ADAMTSL1: variants seen among roughly 807,000 people sequenced by gnomAD.
ADAMTSL1 encodes the protein ADAMTS like 1, also known as ADAMTS-like protein 1.
A neutral mutation model predicts 201.8 loss-of-function variants in ADAMTSL1; 126 were observed. That is an observed-to-expected ratio of 0.62 (90% CI 0.54 to 0.72). ADAMTSL1 has a LOEUF of 0.72. Ranked by LOEUF, ADAMTSL1 falls within the 30% of genes least tolerant of loss-of-function variation. The pLI is 0.00. For missense variants in ADAMTSL1, 2,679 were observed against 2,277.8 expected (o/e 1.18, Z -3.59); for synonymous variants, 1,121 against 903.4 (o/e 1.24, Z -4.32).
chr9:17,922,656 T>C (rs934712228), intron 1 of ADAMTSL1, among the ~76,000 whole-genome samples: 1 of 152,158 alleles, frequency 6.6e-6, no homozygotes, highest in Middle Eastern at 3.2e-3. Context: ...TCTTAGAAAG[T>C]TGAGTTGACT....
At chr9:18,275,085 A>C (rs1832535236) in intron 2 of ADAMTSL1, among the ~76,000 whole-genome samples, 2 of 152,150 alleles carry the variant, frequency 1.3e-5, no homozygotes, top group South Asian at 4.1e-4. Flanking sequence ...TCTTTTGTCC[A>C]TCTGGGCAAA....
chr9:18,265,600 A>G (rs1832090806), intron 2 of ADAMTSL1, among the ~76,000 whole-genome samples: 1 of 152,250 alleles, frequency 6.6e-6, no homozygotes, highest in African/African-American at 2.4e-5. Context: ...TACCCTGAGC[A>G]CAAAATGTTC....
rs982893194 is a variant in ADAMTSL1, at chr9:18,023,577, G to A, written c.87+116655G>A. ...CATTAACACTGAAACTTACATTCCC[G>A]TGGATGGAGCAGAGTAGCTGCTGGC... On this transcript the variant is annotated intron_variant, in intron 1 of 29. Coordinates refer to the ADAMTSL1 transcript ENST00000680146. 4.6e-5 allele frequency among the ~76,000 whole-genome samples: 7 copies of A among 152,092 alleles called. 1 individual carries two copies. The highest frequency in any genetic ancestry group is 1.3e-4 in the Admixed American group (2 of 15,248).
chr9:18,535,936 G>T (rs929974968), intron 3 of ADAMTSL1, among the ~76,000 whole-genome samples: 1 of 152,092 alleles, frequency 6.6e-6, no homozygotes, highest in Admixed American at 6.5e-5. Context: ...TGAGATTTGG[G>T]TGGGGACACA....
chr9:18,832,689 A>G (rs576952332), intron 23 of ADAMTSL1, among the ~76,000 whole-genome samples: 1 of 152,328 alleles, frequency 6.6e-6, no homozygotes, highest in East Asian at 1.9e-4. Context: ...CAGCTCAGGC[A>G]CTGCCTTGGA....
intron 2 of ADAMTSL1, among the ~76,000 whole-genome samples, chr9:18,168,978 T>C (rs1417023435): frequency 1.3e-5 from 2 of 149,450 alleles, no homozygotes; most frequent in African/African-American, 2.5e-5. Flanking sequence ...GGGTTGTTTG[T>C]TTTTTCTTGT....
At chr9:18,584,220 G>T (rs141060514) in intron 4 of ADAMTSL1, among the ~76,000 whole-genome samples, 27 of 152,280 alleles carry the variant, frequency 1.8e-4, no homozygotes, top group African/African-American at 6.0e-4. Flanking sequence ...AATTATGGGT[G>T]CAGGTCTTTC....
At chr9:18,277,561 A>C (rs984820470) in intron 2 of ADAMTSL1, among the ~76,000 whole-genome samples, 4 of 152,088 alleles carry the variant, frequency 2.6e-5, no homozygotes, top group African/African-American at 9.7e-5. Flanking sequence ...TTTTAACTTA[A>C]AGCCTATTTT....
chr9:17,915,395 G>A (rs912369114), intron 1 of ADAMTSL1, among the ~76,000 whole-genome samples: 9 of 152,040 alleles, frequency 5.9e-5, no homozygotes, highest in South Asian at 4.1e-4. Context: ...TCAATATCTC[G>A]CTGCTTTTAT....
chr9:18,626,096 G>T (rs1215961228), intron 5 of ADAMTSL1, among the ~76,000 whole-genome samples: 1 of 152,100 alleles, frequency 6.6e-6, no homozygotes, highest in Non-Finnish European at 1.5e-5. Flanking sequence ...CCTGCCCCTG[G>T]CTGCTTTGGG....
chr9:18,318,731 T>C (rs909291423), intron 2 of ADAMTSL1, among the ~76,000 whole-genome samples: 1 of 152,146 alleles, frequency 6.6e-6, no homozygotes, highest in South Asian at 2.1e-4. Context: ...AATTTTTTTT[T>C]TTTCAAATAT....
At chr9:17,951,653 G>A (rs1228271109) in intron 1 of ADAMTSL1, among the ~76,000 whole-genome samples, 1 of 145,024 alleles carries the variant, frequency 6.9e-6, no homozygotes, top group African/African-American at 2.6e-5. Context: ...TTGGGCTGTT[G>A]TCTCTTATTG....
At chr9:18,492,086 G>A (rs989093653) in intron 1 of ADAMTSL1, among the ~76,000 whole-genome samples, 2 of 152,106 alleles carry the variant, frequency 1.3e-5, no homozygotes, top group South Asian at 4.1e-4. Flanking sequence ...ATTGATAAAG[G>A]ACTTAATATG....
intron 2 of ADAMTSL1, among the ~76,000 whole-genome samples, chr9:18,197,160 G>A (rs552821052): frequency 6.6e-6 from 1 of 152,256 alleles, no homozygotes; most frequent in African/African-American, 2.4e-5. Flanking sequence ...AGTGAAGGAA[G>A]AAAATGCCTT....
intron 1 of ADAMTSL1, among the ~76,000 whole-genome samples, chr9:17,988,081 A>G (rs1431559340): frequency 2.6e-5 from 4 of 152,090 alleles, no homozygotes; most frequent in Non-Finnish European, 2.9e-5. Flanking sequence ...TGCTGGTTCC[A>G]CTATTCTGAC....
intron 16 of ADAMTSL1, among the ~76,000 whole-genome samples, chr9:18,759,017 G>T (rs1819921263): frequency 6.6e-6 from 1 of 152,206 alleles, no homozygotes; most frequent in South Asian, 2.1e-4. Flanking sequence ...AAAAGGTGCT[G>T]AAGGGTTAAA....
intron 9 of ADAMTSL1, among the ~76,000 whole-genome samples, chr9:18,662,368 C>G (rs1829155071): frequency 6.6e-6 from 1 of 152,080 alleles, no homozygotes; most frequent in Non-Finnish European, 1.5e-5. Flanking sequence ...TGTTTCTTTC[C>G]TTAACAAGGT....
chr9:18,039,418 T>C (rs1467755666), intron 1 of ADAMTSL1, among the ~76,000 whole-genome samples: 1 of 152,176 alleles, frequency 6.6e-6, no homozygotes, highest in East Asian at 1.9e-4. Flanking sequence ...AATTCCCCTC[T>C]CAAATAATTA....
intron 1 of ADAMTSL1, among the ~76,000 whole-genome samples, chr9:17,917,015 T>C (rs984325559): frequency 1.3e-5 from 2 of 152,218 alleles, no homozygotes; most frequent in South Asian, 2.1e-4. Context: ...TCATATGTTA[T>C]GCTTTTTTAA....
Sources: gnomAD v4.1 joint callset for allele counts (sites outside exome capture counted in the v4.1 genomes callset) on GRCh38, gnomAD v4.1.1 for gene constraint, MANE v1.5 for transcripts, NCBI Gene and HGNC (gene_info 2026-07-23, HGNC 2026-07-21) for gene names.